The following PCDHA4 variants were observed in gnomAD, a reference collection of about 807,000 sequenced individuals.
The protein encoded by PCDHA4 is protocadherin alpha-4.
In PCDHA4, 49 loss-of-function variants were observed where a neutral mutation model predicts 61.4. The ratio of observed to expected loss-of-function variants is 0.80; its 90% CI spans 0.63 to 1.01. The LOEUF (loss-of-function observed/expected upper bound fraction) is 1.01, where lower values mean the gene tolerates loss of function less well. PCDHA4 is among the 50% of genes least tolerant of loss of function. PCDHA4 has a pLI of 0.00. For missense variants in PCDHA4, 1,254 were observed against 1,235.8 expected (o/e 1.01, Z -0.22); for synonymous variants, 590 against 550.3 (o/e 1.07, Z -1.01).
At chr5:140,809,718 T>A in intron 1 of PCDHA4, 146 bp downstream of exon 1, 2 of 935,756 alleles carry the variant, frequency 2.1e-6, no homozygotes, top group Non-Finnish European at 3.1e-6. Flanking sequence ...CTTTTGGAAT[T>A]ATAGGACATC....
rs782242128 is a variant in PCDHA4 at position 140,928,580 on chromosome 5, GT to G, written c.2386-50367del. 100 of 1,614,112 alleles carry G rather than the reference GT, an allele frequency of 6.2e-5. 1 individual carries two copies. The East Asian group carries it at 2.2e-3, about 36-fold the overall frequency. ...ATCTTGTTTCCCTTGCCCAGAAATG[GT>G]TCTGTCCCAGTGGAAATTGTGCCCC... On this transcript the variant is annotated intron_variant, in intron 1 of 3. Transcript: ENST00000530339.
chr5:140,829,542 C>T, intron 1 of PCDHA4: 4 of 1,612,968 alleles, frequency 2.5e-6, no homozygotes, highest in Non-Finnish European at 3.4e-6. Context: ...GACGCGGACG[C>T]GCAGGAGAAC....
At chr5:140,857,418 C>T in intron 1 of PCDHA4, 1 of 1,598,514 alleles carries the variant, frequency 6.3e-7, no homozygotes, top group South Asian at 1.1e-5. Context: ...TTCGCGCAGT[C>T]CGAGTACACG....
intron 1 of PCDHA4, chr5:140,821,836 G>T: frequency 6.2e-7 from 1 of 1,614,108 alleles, no homozygotes. Context: ...GCTTCTCCTT[G>T]CCTACTGGAA....
At chr5:140,996,094 T>C (rs1428375932) in intron 3 of PCDHA4, among the ~76,000 whole-genome samples, 1 of 152,192 alleles carries the variant, frequency 6.6e-6, no homozygotes, top group Non-Finnish European at 1.5e-5. Flanking sequence ...CTAGATTACA[T>C]GGAATGGTAT....
intron 1 of PCDHA4, chr5:140,841,294 A>G (rs2150312658): frequency 8.3e-6 from 13 of 1,563,188 alleles, no homozygotes; most frequent in African/African-American, 1.4e-5. Context: ...TTAAGATAAT[A>G]TTTTCTGATA....
At chr5:140,967,942 A>G in intron 1 of PCDHA4, 1 of 1,614,226 alleles carries the variant, frequency 6.2e-7, no homozygotes, top group Non-Finnish European at 8.5e-7. Context: ...TCAATGACCA[A>G]GACTCAGGCC....
chr5:140,900,799 G>T (rs797036955), intron 1 of PCDHA4, among the ~76,000 whole-genome samples: 1 of 152,138 alleles, frequency 6.6e-6, no homozygotes, highest in East Asian at 1.9e-4. Context: ...GTTCTCCATA[G>T]TGCTTGTACT....
At position 140,849,642 on chromosome 5, in the gene PCDHA4, G is replaced by A. The variant is rs2150443693; in HGVS notation, c.2385+40070G>A. 5 of 1,598,584 alleles carry A rather than the reference G, an allele frequency of 3.1e-6. No individual in the cohort carries two copies. The African/African-American group carries it at 4.0e-5, about 13-fold the overall frequency. Reference sequence around the variant, plus strand: ...GATCGACCTAGACGCAGATGCCAACGGGCAGGTTACCTGCTCCCTGACGCC... The same window carrying A: ...GATCGACCTAGACGCAGATGCCAACAGGCAGGTTACCTGCTCCCTGACGCC... On this transcript the variant is annotated intron_variant, in intron 1 of 3. Coordinates refer to ENST00000530339, the MANE Select transcript of PCDHA4 (RefSeq NM_018907.4).
chr5:140,808,990 G>C lies in PCDHA4; in HGVS notation c.1803G>C (p.Ser601=), dbSNP rs2879087. 868,636 of 1,613,606 alleles carry C rather than the reference G, an allele frequency of 0.54. 235,525 individuals are homozygous for C. Among genetic ancestry groups the C allele is most frequent in the African/African-American group, 0.7 (52,590 of 74,992 alleles). The change falls in exon 1 of 4, where the codon TCG becomes TCC. Residue 601 remains serine, a synonymous_variant. Transcript: ENST00000530339. ...VAKVRAVDAD[S]GYNAWLSYEL... ...AGGTGCGCGCGGTGGATGCTGACTC[G>C]GGCTACAACGCGTGGCTTTCGTACG...
intron 1 of PCDHA4, among the ~76,000 whole-genome samples, chr5:140,910,512 G>A (rs2075055738): frequency 6.6e-6 from 1 of 152,144 alleles, no homozygotes; most frequent in Admixed American, 6.5e-5. Flanking sequence ...GCTCTTCAAG[G>A]ATGCAGGTAC....
At chr5:141,002,589 TC>T (rs1157810975) in intron 3 of PCDHA4, among the ~76,000 whole-genome samples, 1 of 152,140 alleles carries the variant, frequency 6.6e-6, no homozygotes, top group African/African-American at 2.4e-5. Context: ...TAGTCCTTAG[TC>T]CCCTCATCTA....
intron 1 of PCDHA4, among the ~76,000 whole-genome samples, chr5:140,962,827 C>T (rs1229108981): frequency 6.6e-6 from 1 of 152,164 alleles, no homozygotes; most frequent in East Asian, 1.9e-4. Flanking sequence ...GACCATTTGT[C>T]TCTTTTTTAT....
At chr5:140,968,464 C>T (rs1554230763) in intron 1 of PCDHA4, 4 of 1,613,996 alleles carry the variant, frequency 2.5e-6, no homozygotes, top group Admixed American at 1.7e-5. Flanking sequence ...TGACTGCCAA[C>T]GTATATGTGG....
intron 1 of PCDHA4, chr5:140,869,010 T>A (rs919333995): frequency 4.6e-6 from 7 of 1,523,886 alleles, no homozygotes; most frequent in Middle Eastern, 1.8e-4. Context: ...CCTTTGAAAC[T>A]TCTTAAGAAT....
intron 1 of PCDHA4, among the ~76,000 whole-genome samples, chr5:140,885,454 C>T (rs2060601415): frequency 6.6e-6 from 1 of 152,054 alleles, no homozygotes; most frequent in Admixed American, 6.5e-5. Flanking sequence ...TATTATTTAC[C>T]TAATGATGGG....
chr5:140,900,233 GT>G (rs1261263702), intron 1 of PCDHA4, among the ~76,000 whole-genome samples: 15 of 151,946 alleles, frequency 9.9e-5, no homozygotes, highest in African/African-American at 2.7e-4. Context: ...ACTGGATCTT[GT>G]TTTTTTTATG....
At chr5:140,852,956 C>G (rs2042556592) in intron 1 of PCDHA4, 1 of 438,466 alleles carries the variant, frequency 2.3e-6, no homozygotes, top group Non-Finnish European at 3.1e-6. Flanking sequence ...TTGGCTCACT[C>G]CAAGCTCCCC....
At chr5:140,926,584 C>A in intron 1 of PCDHA4, 1 of 285,402 alleles carries the variant, frequency 3.5e-6, no homozygotes, top group Non-Finnish European at 6.4e-6. Context: ...GCACCTCTCG[C>A]GCCCGGGCGG....
Sources: gnomAD v4.1 joint callset for allele counts (sites outside exome capture counted in the v4.1 genomes callset) on GRCh38, gnomAD v4.1.1 for gene constraint, MANE v1.5 for transcripts, NCBI Gene and HGNC (gene_info 2026-07-23, HGNC 2026-07-21) for gene names.